Variants in TOPAZ1 observed in about 807,000 individuals in gnomAD.
TOPAZ1 encodes the protein protein TOPAZ1.
In TOPAZ1, 66 loss-of-function variants were observed where a neutral mutation model predicts 172.2. The ratio of observed to expected loss-of-function variants is 0.38; its 90% CI spans 0.31 to 0.47. The LOEUF is 0.47. TOPAZ1 is among the 20% of genes least tolerant of loss of function. The pLI is 0.99. For synonymous variants in TOPAZ1, 681 were observed against 683.9 expected (o/e 1.00, Z 0.07); for missense variants, 1,822 against 1,972.4 (o/e 0.92, Z 1.44).
intron 7 of TOPAZ1, among the ~76,000 whole-genome samples, 168 bp downstream of exon 7, chr3:44,269,469 A>ATTTTTTTT (rs1559531943): frequency 3.0e-5 from 1 of 32,886 alleles, no homozygotes; most frequent in Non-Finnish European, 5.4e-5. Flanking sequence ...TTTCCCTATC[A>ATTTTTTTT]TCTTTTTTTT....
At chr3:44,330,418 T>C (rs1700654754) in intron 19 of TOPAZ1, among the ~76,000 whole-genome samples, 1 of 152,240 alleles carries the variant, frequency 6.6e-6, no homozygotes, top group Non-Finnish European at 1.5e-5. Context: ...TCTATTGTCA[T>C]TATCATGCTA....
Position 44,244,365 on chromosome 3 carries a change from G to A in TOPAZ1, c.1859G>A (p.Ser620Asn). Residue 620 changes from serine (S) to asparagine (N), a missense_variant, in exon 2 of 20, where the codon AGT becomes AAT. This residue lies in a region of TOPAZ1 where 1,489 missense variants were observed against 1,490.8 expected (regional missense o/e 1.00). Transcript: ENST00000309765. ...SNTTEDTQLT[S>N]ETQSLTGNKK... is the part of the protein sequence containing the mutation. Reference sequence around the variant, plus strand: ...ACTACTGAAGATACTCAATTAACCAGTGAGACTCAAAGCTTAACGGGAAAT... The same window carrying A: ...ACTACTGAAGATACTCAATTAACCAATGAGACTCAAAGCTTAACGGGAAAT... The A allele has an allele frequency of 6.4e-7, 1 of 1,550,910 alleles. No individual in the cohort carries two copies. Among genetic ancestry groups the A allele is most frequent in the East Asian group, 2.4e-5 (1 of 40,890 alleles).
chr3:44,282,883 A>G (rs140889346), intron 9 of TOPAZ1, among the ~76,000 whole-genome samples: 275 of 152,334 alleles, frequency 1.8e-3, no homozygotes, highest in African/African-American at 5.6e-3. Flanking sequence ...TGAACTTAAT[A>G]TAACTATAAC....
chr3:44,299,574 C>T (rs56804186), intron 12 of TOPAZ1, among the ~76,000 whole-genome samples: 5,529 of 152,116 alleles, frequency 0.036, 319 homozygotes, highest in African/African-American at 0.12. Context: ...ACTAGAAATA[C>T]CATTTGACCC....
chr3:44,332,798 GTT>G (rs10708146), downstream of TOPAZ1, among the ~76,000 whole-genome samples: 417 of 148,166 alleles, frequency 2.8e-3, 2 homozygotes, highest in Admixed American at 3.8e-3. Flanking sequence ...GGGACTGAAA[GTT>G]TTTTTTTTTT....
intron 12 of TOPAZ1, among the ~76,000 whole-genome samples, chr3:44,295,115 G>A (rs1307299238): frequency 2.6e-5 from 4 of 152,108 alleles, no homozygotes; most frequent in Admixed American, 2.6e-4. Flanking sequence ...CTGATTAACT[G>A]TAGTTTTTGA....
intron 11 of TOPAZ1, among the ~76,000 whole-genome samples, chr3:44,289,841 A>G (rs1174525919): frequency 6.6e-6 from 1 of 152,182 alleles, no homozygotes; most frequent in Non-Finnish European, 1.5e-5. Context: ...CATTCTCCCA[A>G]ACATTCAAAA....
chr3:44,247,069 T>C (rs1457494305), intron 2 of TOPAZ1, among the ~76,000 whole-genome samples: 2 of 152,166 alleles, frequency 1.3e-5, no homozygotes, highest in African/African-American at 4.8e-5. Context: ...TTTTAAAACA[T>C]GATACATTTT....
rs10523650 is a variant in TOPAZ1, at chr3:44,257,469, A to AGTGT, written c.2955+1229_2955+1232dup. The stretch of plus-strand genomic sequence containing the variant: ...GTGTATCTATTTTATATATATATAT[A>AGTGT]GTGTGTGTGTGTGTGTGTGTGTGTG... On this transcript the variant is annotated intron_variant, in intron 4 of 19. Transcript: ENST00000309765. Among the ~76,000 whole-genome samples, 201 of 113,836 alleles carry AGTGT rather than the reference A, an allele frequency of 1.8e-3. 1 individual carries two copies. The highest frequency in any genetic ancestry group is 2.1e-3 in the Non-Finnish European group (113 of 53,512). 74.7% of individuals were successfully genotyped at this position (113,836 alleles called of 152,430 possible). A position where few individuals can be genotyped will look rare whatever the true frequency, so the allele number is the denominator to read the frequency against.
Position 44,321,186 on chromosome 3 carries a change from C to T in TOPAZ1, c.4466C>T (p.Ser1489Phe). The T allele has an allele frequency of 1.3e-6, 2 of 1,538,178 alleles. No homozygotes were observed. Among genetic ancestry groups the T allele is most frequent in the Non-Finnish European group, 1.8e-6 (2 of 1,142,604 alleles). Residue 1489 changes from serine (S) to phenylalanine (F), a missense_variant, in exon 17 of 20, where the codon TCC (serine) becomes TTC (phenylalanine). Transcript: ENST00000309765. ...CAGAATCTACCAGGTTTTCAAAATT[C>T]CCAAGGTATGTTTTTTAAAAGTCTA... ...VLQNLPGFQN[S>F]QETVEVSQYS...
chr3:44,328,162 A>G, intron 18 of TOPAZ1, 88 bp from the exon 19 acceptor site: 1 of 728,394 alleles, frequency 1.4e-6, no homozygotes, highest in Admixed American at 4.0e-5. Context: ...TATTCTGTGT[A>G]AGTAATTATC....
downstream of TOPAZ1, among the ~76,000 whole-genome samples, chr3:44,335,875 G>A (rs985392259): frequency 1.3e-5 from 2 of 152,112 alleles, no homozygotes; most frequent in African/African-American, 4.8e-5. Flanking sequence ...CTCAAAGGAA[G>A]GAATCCATAT....
chr3:44,254,575 C>T (rs1463904258), intron 2 of TOPAZ1, among the ~76,000 whole-genome samples: 1 of 139,220 alleles, frequency 7.2e-6, no homozygotes, highest in East Asian at 2.1e-4. Context: ...TGCAGTGAGC[C>T]AAGATCGCGC....
chr3:44,285,261 A>G (rs1305388977), intron 9 of TOPAZ1, among the ~76,000 whole-genome samples: 1 of 152,084 alleles, frequency 6.6e-6, no homozygotes, highest in African/African-American at 2.4e-5. Flanking sequence ...CCAGGAGTTT[A>G]GACCAGCCTG....
At chr3:44,291,472 G>A (rs1013708993) in intron 12 of TOPAZ1, among the ~76,000 whole-genome samples, 4 of 151,828 alleles carry the variant, frequency 2.6e-5, no homozygotes, top group Non-Finnish European at 4.4e-5. Context: ...ATGGTAGCGC[G>A]TGCCTGTAAT....
At position 44,328,412 on chromosome 3, in the gene TOPAZ1, T is replaced by C. The variant is rs1700626745; in HGVS notation, c.4838T>C (p.Ile1613Thr). ...CAGAGTCCTGGAACTTCTACACAGA[T>C]ACTGCAGATAGTTTTGAAAAGGTTG... ...SIQSPGTSTQ[I>T]LQIVLKRCED... Residue 1613 changes from isoleucine to threonine, a missense_variant, in exon 19 of 20, where the codon ATA (isoleucine) becomes ACA (threonine). Transcript: ENST00000309765. 1 of 1,511,170 alleles carries C rather than the reference T, an allele frequency of 6.6e-7. No individual in the cohort carries two copies. Among genetic ancestry groups the C allele is most frequent in the Admixed American group, 2.5e-5 (1 of 40,404 alleles). The allele number at this position is 1,511,170 out of a possible 1,614,324, so 93.6% of individuals were successfully genotyped here.
rs1346889235 is a variant in TOPAZ1 at position 44,242,057 on chromosome 3, C to A, written c.4C>A (p.Arg2=). 3 of 1,543,652 alleles carry A rather than the reference C, an allele frequency of 1.9e-6. No homozygotes were observed. Among genetic ancestry groups the A allele is most frequent in the Middle Eastern group, 2.3e-4 (1 of 4,394 alleles). The part of the protein sequence containing the change: M[R]RPPPLGPTTA... The stretch of plus-strand genomic sequence containing the variant: ...CAGCGGGCCGGCCCCGGGGCACATG[C>A]GACGACCTCCACCCCTGGGCCCCAC... Residue 2 remains arginine (R), a synonymous_variant, in exon 1 of 20, where the codon CGA becomes AGA. Transcript: ENST00000309765.
intron 16 of TOPAZ1, 65 bp downstream of exon 16, chr3:44,310,055 A>G: frequency 7.1e-7 from 1 of 1,399,508 alleles, no homozygotes; most frequent in Non-Finnish European, 9.7e-7. Flanking sequence ...TTGTCTATGT[A>G]ATTACCTTAA....
chr3:44,314,734 T>C (rs1016486123), intron 16 of TOPAZ1, among the ~76,000 whole-genome samples: 8 of 152,126 alleles, frequency 5.3e-5, no homozygotes, highest in African/African-American at 1.7e-4. Context: ...TCAACCTTGA[T>C]TATCAGAATT....
Sources: allele counts gnomAD v4.1 joint callset (sites outside exome capture counted in the v4.1 genomes callset), GRCh38; gene constraint gnomAD v4.1.1; regional missense constraint gnomAD v4.1.1; transcripts MANE v1.5; gene names NCBI Gene and HGNC (gene_info 2026-07-23, HGNC 2026-07-21).